The following SUMF1 variants were observed in gnomAD, a reference collection of about 807,000 sequenced individuals.
SUMF1 encodes the protein sulfatase modifying factor 1.
A neutral mutation model predicts 47.6 loss-of-function variants in SUMF1; 48 were observed. That is an observed-to-expected ratio of 1.01 (90% CI 0.80 to 1.28). The LOEUF (loss-of-function observed/expected upper bound fraction) is 1.28, where lower values mean the gene tolerates loss of function less well. SUMF1 is among the 50% of genes most tolerant of loss of function. The pLI is 0.00. For synonymous variants in SUMF1, 230 were observed against 192.1 expected, an observed-to-expected ratio of 1.20 and a Z score of -1.63; for missense variants, 571 against 485.4, an observed-to-expected ratio of 1.18 and a Z score of -1.66.
rs374834851 is a variant in SUMF1, at chr3:4,280,549, A to G, written c.1014+95781T>C. ...TATGTGAGAGGAAGGCTTTATAGAGAAGGTAGCTTTGAGATGAAAATTTAA... is the reference window on the plus strand; with the variant it reads ...TATGTGAGAGGAAGGCTTTATAGAGGAGGTAGCTTTGAGATGAAAATTTAA... On this transcript the variant is annotated intron_variant and NMD_transcript_variant, in intron 8 of 12. Transcript: ENST00000448413. Among the ~76,000 whole-genome samples the G allele has an allele frequency of 2.0e-5, 3 of 152,182 alleles. No homozygotes were observed. The South Asian group carries it at 6.2e-4, about 32-fold the overall frequency.
chr3:4,221,902 G>T (rs1409660728), intron 8 of SUMF1, among the ~76,000 whole-genome samples: 1 of 151,874 alleles, frequency 6.6e-6, no homozygotes, highest in Non-Finnish European at 1.5e-5. Flanking sequence ...GGGTAGAATT[G>T]TGATTTTTTT....
chr3:4,255,101 G>A (rs1696918276), intron 8 of SUMF1, among the ~76,000 whole-genome samples: 1 of 150,556 alleles, frequency 6.6e-6, no homozygotes, highest in South Asian at 2.1e-4. Flanking sequence ...CCCTAAAAGA[G>A]CTCCTGAAGG....
intron 4 of SUMF1, among the ~76,000 whole-genome samples, chr3:4,418,394 G>A (rs1298010294): frequency 1.3e-5 from 2 of 152,226 alleles, no homozygotes; most frequent in Non-Finnish European, 2.9e-5. Flanking sequence ...GATTCCCACA[G>A]AATGTCATTG....
intron 8 of SUMF1, among the ~76,000 whole-genome samples, chr3:4,203,170 C>G (rs1695576616): frequency 6.6e-6 from 1 of 151,896 alleles, no homozygotes; most frequent in Non-Finnish European, 1.5e-5. Flanking sequence ...AAAGGTCTCT[C>G]CAATGCCAAA....
At chr3:4,057,645 T>C (rs1481763386) in intron 9 of SUMF1, among the ~76,000 whole-genome samples, 1 of 152,168 alleles carries the variant, frequency 6.6e-6, no homozygotes, top group East Asian at 1.9e-4. Context: ...TTAAATTACA[T>C]GGTATACTTA....
chr3:4,377,986 T>G (rs1019640817), intron 7 of SUMF1, among the ~76,000 whole-genome samples: 4 of 152,268 alleles, frequency 2.6e-5, no homozygotes, highest in African/African-American at 4.8e-5. Flanking sequence ...GCATGGCTAA[T>G]GTACTTTCTT....
At chr3:4,177,390 C>T (rs1351495028) in intron 8 of SUMF1, among the ~76,000 whole-genome samples, 3 of 152,260 alleles carry the variant, frequency 2.0e-5, no homozygotes, top group Non-Finnish European at 1.5e-5. Context: ...GAAACTCACT[C>T]AAAACCGCAC....
At chr3:4,097,572 C>CA (rs1477235290) in intron 8 of SUMF1, among the ~76,000 whole-genome samples, 2 of 151,866 alleles carry the variant, frequency 1.3e-5, no homozygotes, top group African/African-American at 2.4e-5. Context: ...AAAACAAAAA[C>CA]AAAAAACACC....
chr3:4,224,186 G>A (rs931105192), intron 8 of SUMF1, among the ~76,000 whole-genome samples: 2 of 152,090 alleles, frequency 1.3e-5, no homozygotes, highest in Admixed American at 6.6e-5. Context: ...CCTCATGACA[G>A]CAGATTGGTG....
intron 8 of SUMF1, among the ~76,000 whole-genome samples, chr3:4,073,464 G>A (rs376642186): frequency 1.5e-4 from 23 of 152,250 alleles, no homozygotes; most frequent in African/African-American, 5.1e-4. Flanking sequence ...CATAATGACA[G>A]GATCAGATTC....
rs146172101 is a variant in SUMF1, at chr3:4,135,292, A to T, written c.1015-66547T>A. 2.9e-3 allele frequency among the ~76,000 whole-genome samples: 440 copies of T among 152,268 alleles called. 4 individuals are homozygous for T. Among genetic ancestry groups the T allele is most frequent in the African/African-American group, 0.01 (419 of 41,536 alleles). On this transcript the variant is annotated intron_variant and NMD_transcript_variant, in intron 8 of 12. Transcript: ENST00000448413. The stretch of plus-strand genomic sequence containing the variant: ...TATCCACCATGATCAAGTGGGCTTC[A>T]TCCCTGGGATGCAAGGCTGGTTCAA...
chr3:4,325,931 C>A lies in SUMF1; in HGVS notation c.1014+50399G>T, dbSNP rs551552697. 1.7e-3 allele frequency among the ~76,000 whole-genome samples: 257 copies of A among 152,160 alleles called. 1 individual carries two copies. Among genetic ancestry groups the A allele is most frequent in the Non-Finnish European group, 1.5e-3 (105 of 68,026 alleles). On this transcript the variant is annotated intron_variant and NMD_transcript_variant, in intron 8 of 12. Transcript: ENST00000448413. ...CCTCCTCCTGGGTTCAAGCAATTTT[C>A]CTGCCTCAGCCTCCAAAGTAGCGGA...
intron 1 of SUMF1, among the ~76,000 whole-genome samples, chr3:4,454,154 G>T (rs776262465): frequency 6.6e-6 from 1 of 152,140 alleles, no homozygotes; most frequent in Non-Finnish European, 1.5e-5. Context: ...GGGGCTGTTT[G>T]TATAATTCCT....
intron 8 of SUMF1, among the ~76,000 whole-genome samples, chr3:4,314,782 A>C (rs1404052442): frequency 6.6e-6 from 1 of 152,314 alleles, no homozygotes; most frequent in South Asian, 2.1e-4. Context: ...AAATACAGTT[A>C]CTGTGGAGGT....
chr3:4,365,812 C>T (rs1463691531), intron 8 of SUMF1, among the ~76,000 whole-genome samples: 2 of 151,696 alleles, frequency 1.3e-5, no homozygotes, highest in African/African-American at 4.8e-5. Flanking sequence ...TTCCTAGTCT[C>T]GATGGTCTTT....
chr3:4,265,450 T>C (rs557084960), intron 8 of SUMF1, among the ~76,000 whole-genome samples: 4 of 152,314 alleles, frequency 2.6e-5, no homozygotes, highest in South Asian at 2.1e-4. Context: ...AATAACACTT[T>C]ATAGCTTACA....
intron 8 of SUMF1, among the ~76,000 whole-genome samples, chr3:4,091,765 G>C (rs1055001762): frequency 6.6e-6 from 1 of 152,006 alleles, no homozygotes; most frequent in Admixed American, 6.6e-5. Context: ...GGTTATGTAA[G>C]AGGCCCTTGC....
At chr3:4,200,546 G>A (rs867052796) in intron 8 of SUMF1, among the ~76,000 whole-genome samples, 7 of 152,142 alleles carry the variant, frequency 4.6e-5, no homozygotes, top group Middle Eastern at 3.4e-3. Flanking sequence ...AGGTTTTCAC[G>A]CTCAAACTTA....
chr3:4,138,199 T>C (rs1693989931), intron 8 of SUMF1, among the ~76,000 whole-genome samples: 1 of 152,124 alleles, frequency 6.6e-6, no homozygotes, highest in Non-Finnish European at 1.5e-5. Context: ...GACTTAATAT[T>C]GTTAAGACGA....
Sources: gnomAD v4.1 joint callset for allele counts (sites outside exome capture counted in the v4.1 genomes callset) on GRCh38, gnomAD v4.1.1 for gene constraint, MANE v1.5 for transcripts, NCBI Gene and HGNC (gene_info 2026-07-23, HGNC 2026-07-21) for gene names.